Variants in LRRTM4 observed in about 807,000 individuals in gnomAD.
LRRTM4 encodes the protein leucine rich repeat transmembrane neuronal 4, also known as leucine-rich repeat transmembrane neuronal protein 4.
LRRTM4 carries 25 observed loss-of-function variants against 47.6 expected under a neutral mutation model. The ratio of observed to expected loss-of-function variants is 0.53; its 90% CI spans 0.38 to 0.73. LRRTM4 has a LOEUF of 0.73. LRRTM4 is among the 30% of genes least tolerant of loss of function. The probability of loss-of-function intolerance (pLI) is 0.00; values close to 1 mark genes in which losing one functional copy is unlikely to be tolerated. For missense variants in LRRTM4, 638 were observed against 713.4 expected, an observed-to-expected ratio of 0.89 and a Z score of 1.20; for synonymous variants, 311 against 269.5, an observed-to-expected ratio of 1.15 and a Z score of -1.51.
At chr2:77,002,425 C>T (rs13419787) in intron 3 of LRRTM4, among the ~76,000 whole-genome samples, 15,631 of 151,948 alleles carry the variant, frequency 0.1, 2,587 homozygotes, top group African/African-American at 0.35. Context: ...TACTACAATA[C>T]ATTTTCAAAT....
intron 3 of LRRTM4, among the ~76,000 whole-genome samples, chr2:76,947,236 G>C (rs554016105): frequency 6.6e-6 from 1 of 151,724 alleles, no homozygotes. Flanking sequence ...ACTTGATCCT[G>C]AGACTACACT....
chr2:76,795,794 A>C (rs1675269575), intron 3 of LRRTM4, among the ~76,000 whole-genome samples: 1 of 152,092 alleles, frequency 6.6e-6, no homozygotes, highest in South Asian at 2.1e-4. Flanking sequence ...CTATCAGAAA[A>C]GAAAAGTGAA....
At chr2:76,868,634 A>G (rs1672532656) in intron 3 of LRRTM4, among the ~76,000 whole-genome samples, 1 of 152,164 alleles carries the variant, frequency 6.6e-6, no homozygotes, top group African/African-American at 2.4e-5. Flanking sequence ...CTATTTTCAT[A>G]TTGTCTAGTT....
At chr2:77,413,430 A>C (rs1443812189) in intron 3 of LRRTM4, among the ~76,000 whole-genome samples, 1 of 152,114 alleles carries the variant, frequency 6.6e-6, no homozygotes, top group Admixed American at 6.6e-5. Context: ...CATTCCAAAC[A>C]GTGAAAAGTT....
chr2:76,975,086 A>G (rs1422398007), intron 3 of LRRTM4, among the ~76,000 whole-genome samples: 5 of 151,758 alleles, frequency 3.3e-5, no homozygotes, highest in Non-Finnish European at 7.4e-5. Flanking sequence ...ACAAAAACAA[A>G]CAAACCAACA....
chr2:76,804,855 T>C (rs565358707), intron 3 of LRRTM4, among the ~76,000 whole-genome samples: 1 of 151,318 alleles, frequency 6.6e-6, no homozygotes, highest in South Asian at 2.1e-4. Flanking sequence ...GTTTGATTTG[T>C]TAATAGATTT....
chr2:76,797,050 T>C (rs1410216051), intron 3 of LRRTM4, among the ~76,000 whole-genome samples: 1 of 152,096 alleles, frequency 6.6e-6, no homozygotes, highest in South Asian at 2.1e-4. Context: ...TGCAGGATAT[T>C]ATCCAGGAGA....
chr2:77,029,043 AC>A (rs1678552546), intron 3 of LRRTM4, among the ~76,000 whole-genome samples: 1 of 132,194 alleles, frequency 7.6e-6, no homozygotes, highest in Non-Finnish European at 1.6e-5. Flanking sequence ...ACACACACAC[AC>A]ACACACAAAT....
chr2:77,310,451 T>A (rs1034113601), intron 3 of LRRTM4, among the ~76,000 whole-genome samples: 1 of 152,312 alleles, frequency 6.6e-6, no homozygotes, highest in East Asian at 1.9e-4. Context: ...TGGACTCTTC[T>A]GTGTGTCTGT....
chr2:76,920,071 T>C (rs942931320), intron 3 of LRRTM4, among the ~76,000 whole-genome samples: 1 of 152,168 alleles, frequency 6.6e-6, no homozygotes, highest in South Asian at 2.1e-4. Flanking sequence ...TCAGATAGTT[T>C]TCCAATGAGA....
chr2:76,853,210 G>T (rs1450545732), intron 3 of LRRTM4, among the ~76,000 whole-genome samples: 1 of 152,098 alleles, frequency 6.6e-6, no homozygotes, highest in African/African-American at 2.4e-5. Context: ...AGAATAAATG[G>T]GGAGGGGCTA....
chr2:77,359,291 C>T (rs1290146011), intron 3 of LRRTM4, among the ~76,000 whole-genome samples: 1 of 151,968 alleles, frequency 6.6e-6, no homozygotes, highest in East Asian at 1.9e-4. Context: ...CTAGATGTCC[C>T]CCCAACCCAA....
At chr2:77,478,121 T>C (rs1356004897) in intron 3 of LRRTM4, among the ~76,000 whole-genome samples, 1 of 152,160 alleles carries the variant, frequency 6.6e-6, no homozygotes, top group Non-Finnish European at 1.5e-5. Context: ...AAGCTGTCCC[T>C]GTTATTACTT....
intron 3 of LRRTM4, among the ~76,000 whole-genome samples, chr2:76,785,333 T>G (rs866437610): frequency 2.2e-4 from 33 of 152,234 alleles, no homozygotes; most frequent in Middle Eastern, 6.8e-3. Flanking sequence ...AAATTAATAA[T>G]AAGAAGGATT....
At chr2:77,450,844 G>T (rs1241890268) in intron 3 of LRRTM4, among the ~76,000 whole-genome samples, 7 of 151,904 alleles carry the variant, frequency 4.6e-5, no homozygotes, top group Admixed American at 1.3e-4. Flanking sequence ...TATATATGTA[G>T]ATTAAATTCC....
chr2:77,293,747 A>C (rs13428797), intron 3 of LRRTM4, among the ~76,000 whole-genome samples: 17,657 of 152,140 alleles, frequency 0.12, 2,093 homozygotes, highest in African/African-American at 0.29. Flanking sequence ...CATGTGACTA[A>C]CTTAAGGGCT....
At chr2:76,896,222 A>G (rs1279337694) in intron 3 of LRRTM4, among the ~76,000 whole-genome samples, 1 of 152,088 alleles carries the variant, frequency 6.6e-6, no homozygotes, top group African/African-American at 2.4e-5. Context: ...AAACACACAC[A>G]CACACAGACA....
intron 3 of LRRTM4, among the ~76,000 whole-genome samples, chr2:76,979,269 G>A (rs1558774997): frequency 6.6e-6 from 1 of 151,972 alleles, no homozygotes; most frequent in South Asian, 2.1e-4. Flanking sequence ...CAAGTAGGGT[G>A]TCTATTACTA....
chr2:77,514,181 G>A (rs1189378562), intron 3 of LRRTM4, among the ~76,000 whole-genome samples: 1 of 151,904 alleles, frequency 6.6e-6, no homozygotes, highest in African/African-American at 2.4e-5. Context: ...TGACACAGTT[G>A]TAGTCAGCCA....
Sources: gnomAD v4.1 joint callset for allele counts (sites outside exome capture counted in the v4.1 genomes callset) on GRCh38, gnomAD v4.1.1 for gene constraint, MANE v1.5 for transcripts, NCBI Gene and HGNC (gene_info 2026-07-23, HGNC 2026-07-21) for gene names.